CFAP52: variants seen among roughly 807,000 people sequenced by gnomAD.
CFAP52 encodes cilia and flagella associated protein 52.
CFAP52 carries 57 observed loss-of-function variants against 70.5 expected under a neutral mutation model. The observed-to-expected ratio is 0.81, with a 90% CI of 0.65 to 1.01. CFAP52 has a LOEUF of 1.01. Among genes scored for constraint, CFAP52 ranks in the 50% least tolerant of loss-of-function variants. The probability of loss-of-function intolerance (pLI) is 0.00; values close to 1 mark genes in which losing one functional copy is unlikely to be tolerated. For synonymous variants in CFAP52, 267 were observed against 292.5 expected (o/e 0.91, Z 0.89); for missense variants, 785 against 788.5 (o/e 1.00, Z 0.05).
intron 8 of CFAP52, among the ~76,000 whole-genome samples, chr17:9,615,807 T>A (rs1909883264): frequency 1.0e-5 from 1 of 95,852 alleles, no homozygotes; most frequent in African/African-American, 2.7e-5. Flanking sequence ...TTTTTTTTTT[T>A]TTTTTTTTTT....
Position 9,641,664 on chromosome 17 carries a change from A to G in CFAP52, c.1576-60A>G. The G allele has an allele frequency of 2.5e-6, 3 of 1,222,406 alleles. No homozygotes were observed. In the South Asian group the frequency reaches 3.7e-5, roughly 15 times the overall value. 75.7% of individuals were successfully genotyped at this position (1,222,406 alleles called of 1,614,324 possible). Reference sequence around the variant, plus strand: ...TAAAGTAGAGCCATCTTTTGTTAGCATGTGCATGGATGACTCTCCTGAGCT... The same window carrying G: ...TAAAGTAGAGCCATCTTTTGTTAGCGTGTGCATGGATGACTCTCCTGAGCT... On this transcript the variant is annotated intron_variant, in intron 12 of 13. Transcript: ENST00000352665.
chr17:9,581,449 A>T (rs1465200803), intron 1 of CFAP52, among the ~76,000 whole-genome samples: 1 of 152,210 alleles, frequency 6.6e-6, no homozygotes, highest in Admixed American at 6.5e-5. Flanking sequence ...TATATTAAGT[A>T]TAAAATGCAA....
rs748276400 is a variant in CFAP52, at chr17:9,600,104, C to T, written c.674C>T (p.Thr225Met). The T allele has an allele frequency of 2.0e-5, 32 of 1,613,774 alleles. No individual in the cohort carries two copies. The highest frequency in any genetic ancestry group is 1.6e-4 in the African/African-American group (12 of 74,864). The part of the protein sequence containing the change: ...DDDSFFYLGT[T>M]TGDILKMNPR... ...GATAGCTTTTTCTACCTTGGCACCA[C>T]GACTGGAGATATTCTAAAAATGAAC... is the stretch of plus-strand genomic sequence containing the variant. The change falls in exon 6 of 14, where the codon ACG (threonine) becomes ATG (methionine). Residue 225 changes from threonine to methionine, a missense_variant. Thr to Met is a moderately conservative substitution (Grantham distance 81). Coordinates refer to ENST00000352665, the MANE Select transcript of CFAP52 (RefSeq NM_145054.5).
intron 6 of CFAP52, among the ~76,000 whole-genome samples, chr17:9,601,632 C>G (rs1267611580): frequency 6.6e-6 from 1 of 152,152 alleles, no homozygotes; most frequent in Non-Finnish European, 1.5e-5. Flanking sequence ...TGAGCAAGAC[C>G]TAGAAATAGT....
intron 4 of CFAP52, 49 bp from the exon 5 acceptor site, chr17:9,598,185 A>G (rs1038324299): frequency 7.0e-7 from 1 of 1,426,432 alleles, no homozygotes; most frequent in African/African-American, 1.4e-5. Context: ...AGTGATTATT[A>G]AATGGGTGTC....
chr17:9,601,561 A>C (rs1407913080), intron 6 of CFAP52, among the ~76,000 whole-genome samples: 2 of 152,140 alleles, frequency 1.3e-5, no homozygotes, highest in African/African-American at 4.8e-5. Context: ...CTATATATAT[A>C]ATTTTTGTCT....
chr17:9,639,086 G>C (rs1910937687), intron 12 of CFAP52: 1 of 203,920 alleles, frequency 4.9e-6, no homozygotes, highest in African/African-American at 2.3e-5. Context: ...AGACAGAAAG[G>C]CAATAGAGCT....
At chr17:9,631,667 T>A (rs1729654779) in intron 9 of CFAP52, among the ~76,000 whole-genome samples, 2 of 149,950 alleles carry the variant, frequency 1.3e-5, no homozygotes, top group South Asian at 4.2e-4. Context: ...TTAAAAGAGA[T>A]GGCGGGGGTT....
chr17:9,632,834 G>A, intron 9 of CFAP52, 54 bp from the exon 10 acceptor site: 1 of 1,587,528 alleles, frequency 6.3e-7, no homozygotes, highest in Non-Finnish European at 8.6e-7. Context: ...GCAGACTGTG[G>A]AGAGAGGGTG....
At chr17:9,641,431 C>T (rs1292141035) in intron 12 of CFAP52, among the ~76,000 whole-genome samples, 4 of 152,216 alleles carry the variant, frequency 2.6e-5, no homozygotes, top group African/African-American at 9.6e-5. Context: ...CTTTCTTTTA[C>T]AGCTTGCTTC....
At chr17:9,594,147 T>G in intron 3 of CFAP52, 46 bp from the exon 4 acceptor site, 1 of 1,536,940 alleles carries the variant, frequency 6.5e-7, no homozygotes, top group Admixed American at 2.2e-5. Context: ...TTTAAAAGCC[T>G]GTTTTCTCTT....
intron 1 of CFAP52, 85 bp from the exon 2 acceptor site, chr17:9,585,688 C>T (rs563310105): frequency 7.5e-7 from 1 of 1,333,088 alleles, no homozygotes; most frequent in East Asian, 2.3e-5. Flanking sequence ...CACACACACA[C>T]AAAGTGTTGT....
rs534413760 is a variant in CFAP52, at chr17:9,642,596, C to T, written c.1688-427C>T. Among the ~76,000 whole-genome samples the T allele has an allele frequency of 2.6e-5, 4 of 152,260 alleles. No homozygotes were observed. In the East Asian group the frequency reaches 7.7e-4, roughly 29 times the overall value. ...CTGAGATCATGCCACTCCACTCCAG[C>T]CTGAGTGACAGACAGTCCGTCTCAA... On this transcript the variant is annotated intron_variant, in intron 13 of 13. Coordinates refer to ENST00000352665, the MANE Select transcript of CFAP52 (RefSeq NM_145054.5).
rs1246353078 is a variant in CFAP52, at chr17:9,585,836, G to A, written c.134G>A (p.Cys45Tyr). The change falls in exon 2 of 14, where the codon TGC (cysteine) becomes TAC (tyrosine). Residue 45 changes from cysteine (C) to tyrosine (Y), a missense_variant. By Grantham distance (194) the Cys-to-Tyr change is radical. Coordinates refer to ENST00000352665, the MANE Select transcript of CFAP52 (RefSeq NM_145054.5). Reference sequence around the variant, plus strand: ...GAGCATATGATTTATCCTCTTGGTTGCACAGTCCTCATTCAGGCAATAAAT... The same window carrying A: ...GAGCATATGATTTATCCTCTTGGTTACACAGTCCTCATTCAGGCAATAAAT... ...DQEHMIYPLG[C>Y]TVLIQAINTK... is the part of the protein sequence containing the mutation. The A allele has an allele frequency of 6.2e-7, 1 of 1,613,878 alleles. No individual in the cohort carries two copies. The highest frequency in any genetic ancestry group is 1.3e-5 in the African/African-American group (1 of 74,882).
chr17:9,600,846 A>G (rs890370974), intron 6 of CFAP52, among the ~76,000 whole-genome samples: 3 of 152,166 alleles, frequency 2.0e-5, no homozygotes, highest in South Asian at 4.1e-4. Flanking sequence ...CCACATCTCA[A>G]TTTGCAAGGT....
At chr17:9,585,737 A>G in intron 1 of CFAP52, 36 bp from the exon 2 acceptor site, 1 of 1,606,888 alleles carries the variant, frequency 6.2e-7, no homozygotes. Flanking sequence ...CCACTTCTGC[A>G]CCTGATTATT....
intron 4 of CFAP52, among the ~76,000 whole-genome samples, chr17:9,596,055 GT>G (rs1908989466): frequency 1.1e-5 from 1 of 90,460 alleles, no homozygotes; most frequent in Non-Finnish European, 2.0e-5. Context: ...ATATATATGT[GT>G]GTGTATATAT....
intron 6 of CFAP52, among the ~76,000 whole-genome samples, chr17:9,607,310 C>A (rs1393299671): frequency 6.6e-6 from 1 of 152,212 alleles, no homozygotes; most frequent in African/African-American, 2.4e-5. Flanking sequence ...CATGCCACTG[C>A]ACTCCAGTCT....
intron 1 of CFAP52, among the ~76,000 whole-genome samples, chr17:9,585,467 G>C (rs1044499507): frequency 1.4e-4 from 21 of 152,102 alleles, no homozygotes; most frequent in African/African-American, 5.1e-4. Context: ...AGCAGTTCAA[G>C]ACCAGCCTGA....
Sources: gnomAD v4.1 joint callset for allele counts (sites outside exome capture counted in the v4.1 genomes callset) on GRCh38, gnomAD v4.1.1 for gene constraint, MANE v1.5 for transcripts, NCBI Gene and HGNC (gene_info 2026-07-23, HGNC 2026-07-21) for gene names.